The following SBNO1 variants were observed in gnomAD, a reference collection of about 807,000 sequenced individuals.
SBNO1 encodes strawberry notch homolog 1, also known as protein strawberry notch homolog 1.
SBNO1 carries 23 observed loss-of-function variants against 173.6 expected under a neutral mutation model. The observed-to-expected ratio is 0.13, with a 90% CI of 0.10 to 0.19. The LOEUF is 0.19. Among genes scored for constraint, SBNO1 ranks in the 10% least tolerant of loss-of-function variants. SBNO1 has a pLI of 1.00. For synonymous variants in SBNO1, 632 were observed against 571.5 expected (o/e 1.11, Z -1.51); for missense variants, 1,238 against 1,671.2 (o/e 0.74, Z 4.52).
intron 1 of SBNO1, among the ~76,000 whole-genome samples, chr12:123,359,551 T>C (rs1387744481): frequency 6.6e-5 from 2 of 30,274 alleles, no homozygotes; most frequent in Non-Finnish European, 1.4e-4. Context: ...GGAGACTCCG[T>C]CTCAAAAAAA....
chr12:123,325,750 A>G (rs1870539059), intron 14 of SBNO1, 151 bp from the exon 15 acceptor site: 2 of 656,050 alleles, frequency 3.0e-6, no homozygotes, highest in Non-Finnish European at 5.2e-6. Context: ...TTTCTTCTAC[A>G]TATTTGAGAC....
chr12:123,296,745 G>A (rs2048610991), intron 31 of SBNO1, among the ~76,000 whole-genome samples: 1 of 151,976 alleles, frequency 6.6e-6, no homozygotes, highest in Non-Finnish European at 1.5e-5. Context: ...ATTTTTAGTA[G>A]AGACAGGGTT....
chr12:123,294,584 T>TTTA lies in SBNO1; in HGVS notation c.*1321_*1323dup, dbSNP rs2048557892. The TTTA allele has an allele frequency of 6.9e-6, 1 of 144,198 alleles. No individual in the cohort carries two copies. The highest frequency in any genetic ancestry group is 1.4e-5 in the Non-Finnish European group (1 of 68,974). 8.9% of individuals were successfully genotyped at this position (144,198 alleles called of 1,614,324 possible). A position where few individuals can be genotyped will look rare whatever the true frequency, so the allele number is the denominator to read the frequency against. On this transcript the variant is annotated 3_prime_UTR_variant, in exon 32 of 32. Transcript: ENST00000602398. ...ACAAGATTTTGGCATCTTGCAGCTTTTTACCAGGTTTATACAATCTCGATT... is the reference window on the plus strand; with the variant it reads ...ACAAGATTTTGGCATCTTGCAGCTTTTTATTACCAGGTTTATACAATCTCGATT...
chr12:123,358,742 CAAAAAAAAAAAAAAA>C (rs1164585887), intron 1 of SBNO1, among the ~76,000 whole-genome samples: 2 of 78,426 alleles, frequency 2.6e-5, no homozygotes, highest in African/African-American at 1.1e-4. Context: ...GACTCCGTCT[CAAAAAAAAAAAAAAA>C]AAAAAAAAAA....
intron 6 of SBNO1, among the ~76,000 whole-genome samples, chr12:123,334,684 A>G (rs1186935220): frequency 6.6e-6 from 1 of 152,114 alleles, no homozygotes; most frequent in African/African-American, 2.4e-5. Flanking sequence ...CTCCAGCCTG[A>G]GTGATGCAGT....
At chr12:123,361,204 A>AC (rs775036891) in intron 1 of SBNO1, among the ~76,000 whole-genome samples, 1 of 152,042 alleles carries the variant, frequency 6.6e-6, no homozygotes, top group Non-Finnish European at 1.5e-5. Context: ...AGATCACACC[A>AC]CTGCACTCCA....
At chr12:123,311,690 A>AT (rs757502493) in intron 24 of SBNO1, among the ~76,000 whole-genome samples, 3,125 of 97,284 alleles carry the variant, frequency 0.032, 43 homozygotes, top group Non-Finnish European at 0.045. Context: ...TAAACAAGTA[A>AT]CCTATCTATC....
At chr12:123,352,682 G>C (rs1874019488) in intron 1 of SBNO1, among the ~76,000 whole-genome samples, 2 of 152,200 alleles carry the variant, frequency 1.3e-5, no homozygotes, top group African/African-American at 2.4e-5. Flanking sequence ...CTACGTTTGT[G>C]TATCATTTAG....
intron 7 of SBNO1, among the ~76,000 whole-genome samples, chr12:123,332,804 G>A (rs1284884340): frequency 6.6e-6 from 1 of 152,142 alleles, no homozygotes; most frequent in African/African-American, 2.4e-5. Flanking sequence ...TGACCTCAGG[G>A]TGACCCGCCT....
chr12:123,321,096 C>T (rs1869916155), intron 17 of SBNO1, among the ~76,000 whole-genome samples: 1 of 152,148 alleles, frequency 6.6e-6, no homozygotes. Flanking sequence ...TGTGCCACCA[C>T]ACCTGGCTAA....
At chr12:123,301,601 T>C (rs770788244) in intron 30 of SBNO1, among the ~76,000 whole-genome samples, 6 of 152,074 alleles carry the variant, frequency 3.9e-5, no homozygotes, top group Non-Finnish European at 8.8e-5. Context: ...GGTCACAAAG[T>C]GAACACTGTA....
At chr12:123,348,172 A>G in intron 2 of SBNO1, 39 bp from the exon 3 acceptor site, 1 of 1,108,648 alleles carries the variant, frequency 9.0e-7, no homozygotes, top group Middle Eastern at 2.0e-4. Flanking sequence ...ATAAAAGGAC[A>G]GCAGTAAATT....
chr12:123,331,517 CAT>C (rs1871204474), intron 7 of SBNO1, 142 bp from the exon 8 acceptor site: 4 of 832,834 alleles, frequency 4.8e-6, no homozygotes, highest in South Asian at 2.0e-5. Flanking sequence ...ACATAAATTT[CAT>C]AGAGTTTTGG....
At chr12:123,299,126 T>C (rs185613797) in intron 30 of SBNO1, among the ~76,000 whole-genome samples, 270 of 152,300 alleles carry the variant, frequency 1.8e-3, no homozygotes, top group African/African-American at 6.2e-3. Flanking sequence ...CCCAGCACTT[T>C]GGGAGGACAA....
In SBNO1 at chr12:123,336,558, A is replaced by C. The variant is rs1593385078; in HGVS notation, c.652-67T>G. On this transcript the variant is annotated intron_variant, in intron 5 of 31. Coordinates refer to ENST00000602398, the MANE Select transcript of SBNO1 (RefSeq NM_001167856.3). ...CCAGACGCCCAGCCAACACACAGAA[A>C]AACTCTCTTGTAGGAACACCTACAA... The C allele has an allele frequency of 2.2e-5, 21 of 976,010 alleles. No individual in the cohort carries two copies. In the East Asian group the frequency reaches 5.4e-4, roughly 25 times the overall value. The allele number at this position is 976,010 out of a possible 1,614,324, so 60.5% of individuals were successfully genotyped here.
Position 123,312,668 on chromosome 12 carries a change from A to G in SBNO1, c.3220+952T>C, listed in dbSNP as rs138124851. 8.7e-3 allele frequency among the ~76,000 whole-genome samples: 1,310 copies of G among 151,232 alleles called. 21 individuals are homozygous for G. The highest frequency in any genetic ancestry group is 0.03 in the African/African-American group (1,223 of 41,198). On this transcript the variant is annotated intron_variant, in intron 24 of 31. Coordinates refer to ENST00000602398, the MANE Select transcript of SBNO1 (RefSeq NM_001167856.3). Reference sequence around the variant, plus strand: ...GGAGGTTGCACTGAGCCAAGATCACACCATTGCACTCCAGCCCAGGTGACA... The same window carrying G: ...GGAGGTTGCACTGAGCCAAGATCACGCCATTGCACTCCAGCCCAGGTGACA...
rs1226224631 is a variant in SBNO1, at chr12:123,294,848, A to C, written c.*1060T>G. On this transcript the variant is annotated 3_prime_UTR_variant, in exon 32 of 32. Coordinates refer to ENST00000602398, the MANE Select transcript of SBNO1 (RefSeq NM_001167856.3). ...AAACTCTACGTCTTACAACACATTA[A>C]ACAATATTCAAGTTACTGAGTAACA... The C allele has an allele frequency of 2.0e-5, 3 of 151,626 alleles. No homozygotes were observed. In the South Asian group the frequency reaches 6.2e-4, roughly 31 times the overall value. The allele number at this position is 151,626 out of a possible 1,614,324, so 9.4% of individuals were successfully genotyped here. A position where few individuals can be genotyped will look rare whatever the true frequency, so the allele number is the denominator to read the frequency against.
intron 8 of SBNO1, among the ~76,000 whole-genome samples, 189 bp from the exon 9 acceptor site, chr12:123,330,698 G>A (rs1871113527): frequency 1.3e-5 from 2 of 151,714 alleles, no homozygotes; most frequent in African/African-American, 4.8e-5. Context: ...CACTTTGGGA[G>A]CCTAAGGCAG....
chr12:123,344,865 A>T (rs1872939052), intron 4 of SBNO1, among the ~76,000 whole-genome samples: 1 of 152,168 alleles, frequency 6.6e-6, no homozygotes, highest in Non-Finnish European at 1.5e-5. Flanking sequence ...AGAAAAAAGA[A>T]ATGTAGAATT....
Sources: gnomAD v4.1 joint callset for allele counts (sites outside exome capture counted in the v4.1 genomes callset) on GRCh38, gnomAD v4.1.1 for gene constraint, MANE v1.5 for transcripts, NCBI Gene and HGNC (gene_info 2026-07-23, HGNC 2026-07-21) for gene names.